Variants in KLHL8 observed in about 807,000 individuals in gnomAD.
KLHL8 encodes kelch like family member 8.
A neutral mutation model predicts 63.5 loss-of-function variants in KLHL8; 38 were observed. The observed-to-expected ratio is 0.60, with a 90% CI of 0.46 to 0.78. The LOEUF (loss-of-function observed/expected upper bound fraction) is 0.78, where lower values mean the gene tolerates loss of function less well. KLHL8 is among the 30% of genes least tolerant of loss of function. The pLI is 0.00. For missense variants in KLHL8, 566 were observed against 752.4 expected (o/e 0.75, Z 2.90); for synonymous variants, 224 against 254.3 (o/e 0.88, Z 1.13).
At position 87,160,805 on chromosome 4, in the gene KLHL8, G is replaced by A. The variant is rs1472344104; in HGVS notation, c.*2714C>T. ...TTTATTTTGTCCATTTGCAATTTCA[G>A]TATTTTAGCTCTATCTCATATCATT... is the stretch of plus-strand genomic sequence containing the variant. On this transcript the variant is annotated 3_prime_UTR_variant, in exon 10 of 10. Coordinates refer to ENST00000273963, the MANE Select transcript of KLHL8 (RefSeq NM_020803.5). 6.6e-6 allele frequency: 1 copy of A among 152,134 alleles called. No homozygotes were observed. The highest frequency in any genetic ancestry group is 1.5e-5 in the Non-Finnish European group (1 of 68,030). The allele number at this position is 152,134 out of a possible 1,614,324, so 9.4% of individuals were successfully genotyped here.
At chr4:87,204,819 G>C (rs576933074) in intron 1 of KLHL8, among the ~76,000 whole-genome samples, 2 of 152,316 alleles carry the variant, frequency 1.3e-5, no homozygotes, top group East Asian at 3.9e-4. Context: ...CAGGGAAAGA[G>C]TATGACTAAA....
intron 1 of KLHL8, among the ~76,000 whole-genome samples, chr4:87,237,839 T>C (rs1733258624): frequency 6.6e-6 from 1 of 152,106 alleles, no homozygotes; most frequent in Admixed American, 6.6e-5. Flanking sequence ...ATAATAATAA[T>C]ACAGATTTGA....
chr4:87,170,595 G>T lies in KLHL8; in HGVS notation c.1229C>A (p.Ser410Tyr). Residue 410 changes from serine (S) to tyrosine (Y), a missense_variant, in exon 7 of 10, where the codon TCC (serine) becomes TAC (tyrosine). Transcript: ENST00000273963. ...AATTGCATAAATTGGGCCTCCTAAG[G>T]AAGCCAAGGCAATTCCTCGCCTGCA... is the stretch of plus-strand genomic sequence containing the variant. Reference protein sequence around the residue: ...NTKRRGIALASLGGPIYAIGG... With the variant: ...NTKRRGIALAYLGGPIYAIGG... 1 of 1,611,668 alleles carries T rather than the reference G, an allele frequency of 6.2e-7. No individual in the cohort carries two copies. The highest frequency in any genetic ancestry group is 8.5e-7 in the Non-Finnish European group (1 of 1,179,362).
rs1730922467 is a variant in KLHL8 at position 87,178,554 on chromosome 4, G to C, written c.1019C>G (p.Ser340Cys). The change falls in exon 5 of 10, where the codon TCT (serine) becomes TGT (cysteine). Residue 340 changes from serine (S) to cysteine (C), a missense_variant. Coordinates refer to ENST00000273963, the MANE Select transcript of KLHL8 (RefSeq NM_020803.5). ...GDPFRSIECY[S>C]INKNSWFFGP... Reference sequence around the variant, plus strand: ...AAAGAACCAACTGTTTTTGTTGATAGAATAGCATTCAATACTGCGAAAGGG... The same window carrying C: ...AAAGAACCAACTGTTTTTGTTGATACAATAGCATTCAATACTGCGAAAGGG... 3 of 1,611,846 alleles carry C rather than the reference G, an allele frequency of 1.9e-6. No individual in the cohort carries two copies. Among genetic ancestry groups the C allele is most frequent in the Non-Finnish European group, 2.5e-6 (3 of 1,179,542 alleles).
Position 87,207,944 on chromosome 4 carries a change from A to G in KLHL8, c.-151-12254T>C, listed in dbSNP as rs575798462. On this transcript the variant is annotated intron_variant, in intron 1 of 9. Coordinates refer to ENST00000273963, the MANE Select transcript of KLHL8 (RefSeq NM_020803.5). ...CACCAGGCTGTCTCCTCCAACTTCA[A>G]CAGCAACACGCACTCTTCCACCTTC... The G allele has an allele frequency of 2.9e-3, 2,668 of 917,438 alleles. 10 individuals carry two copies. Among genetic ancestry groups the G allele is most frequent in the Non-Finnish European group, 4.2e-3 (2,365 of 561,334 alleles). The allele number at this position is 917,438 out of a possible 1,614,324, so 56.8% of individuals were successfully genotyped here.
intron 4 of KLHL8, among the ~76,000 whole-genome samples, chr4:87,181,989 G>A (rs113551402): frequency 1.3e-5 from 2 of 151,898 alleles, no homozygotes; most frequent in Non-Finnish European, 2.9e-5. Flanking sequence ...AGCACTTCGG[G>A]AGGCCAAGGC....
chr4:87,202,171 G>A (rs1178916684), intron 1 of KLHL8, among the ~76,000 whole-genome samples: 1 of 150,148 alleles, frequency 6.7e-6, no homozygotes, highest in Non-Finnish European at 1.5e-5. Context: ...CCAGAAACTA[G>A]AAAAAGAACA....
Position 87,163,650 on chromosome 4 carries a change from G to A in KLHL8, c.1740-8C>T. 1 of 1,610,220 alleles carries A rather than the reference G, an allele frequency of 6.2e-7. No homozygotes were observed. The highest frequency in any genetic ancestry group is 8.5e-7 in the Non-Finnish European group (1 of 1,179,080). On this transcript the variant is annotated splice_polypyrimidine_tract_variant and splice_region_variant and intron_variant, in intron 9 of 9. Transcript: ENST00000273963. ...GATCCAACAAGCTCCCACCTGAAAA[G>A]ACGGAGAAGAAAAAATGTTACAAAG...
intron 1 of KLHL8, among the ~76,000 whole-genome samples, chr4:87,233,171 G>T (rs1158113298): frequency 6.6e-6 from 1 of 152,026 alleles, no homozygotes; most frequent in African/African-American, 2.4e-5. Flanking sequence ...CTCCCGAGTA[G>T]CTGGGATTAC....
chr4:87,168,492 G>A (rs943416616), intron 8 of KLHL8, among the ~76,000 whole-genome samples: 3 of 152,042 alleles, frequency 2.0e-5, no homozygotes, highest in African/African-American at 7.2e-5. Flanking sequence ...GAATAGAAAA[G>A]AGAATTCTTC....
intron 2 of KLHL8, among the ~76,000 whole-genome samples, chr4:87,190,406 A>T (rs1375619934): frequency 6.6e-6 from 1 of 152,182 alleles, no homozygotes; most frequent in African/African-American, 2.4e-5. Context: ...GCACTTTGGG[A>T]GGCCAAGGTA....
At chr4:87,177,408 G>A (rs533473579) in intron 5 of KLHL8, among the ~76,000 whole-genome samples, 8 of 152,102 alleles carry the variant, frequency 5.3e-5, no homozygotes, top group East Asian at 3.9e-4. Context: ...TTGGGAGGCC[G>A]AGGCAGAATT....
chr4:87,239,945 T>C (rs1484558930), intron 1 of KLHL8, among the ~76,000 whole-genome samples: 1 of 152,172 alleles, frequency 6.6e-6, no homozygotes, highest in Non-Finnish European at 1.5e-5. Flanking sequence ...ACCTTTGAGT[T>C]TCTATGATCT....
At chr4:87,191,534 C>A (rs1731488435) in intron 2 of KLHL8, among the ~76,000 whole-genome samples, 1 of 151,934 alleles carries the variant, frequency 6.6e-6, no homozygotes, top group Admixed American at 6.6e-5. Flanking sequence ...TTCATTCTTA[C>A]AGTTTTATTT....
chr4:87,181,519 T>A lies in KLHL8; in HGVS notation c.952+1684A>T, dbSNP rs1183726841. ...TTATAATCCCAGAATGCAATGTTAA[T>A]CTTTGATTAGATTTTCTTTAAGTAG... On this transcript the variant is annotated intron_variant, in intron 4 of 9. Coordinates refer to ENST00000273963, the MANE Select transcript of KLHL8 (RefSeq NM_020803.5). 5.9e-5 allele frequency among the ~76,000 whole-genome samples: 9 copies of A among 152,186 alleles called. No homozygotes were observed. In the East Asian group the frequency reaches 1.7e-3, roughly 29 times the overall value.
At chr4:87,234,710 AAGTT>A (rs1353107250) in intron 1 of KLHL8, among the ~76,000 whole-genome samples, 2 of 152,210 alleles carry the variant, frequency 1.3e-5, no homozygotes, top group East Asian at 3.8e-4. Flanking sequence ...ATTTCAAAAA[AAGTT>A]AACCATAAAA....
intron 5 of KLHL8, 90 bp downstream of exon 5, chr4:87,178,387 A>G: frequency 7.6e-7 from 1 of 1,316,270 alleles, no homozygotes; most frequent in Non-Finnish European, 1.0e-6. Flanking sequence ...CAATTTAGTC[A>G]TTTTCTTATA....
chr4:87,219,037 CCT>C (rs1440596783), intron 1 of KLHL8, among the ~76,000 whole-genome samples: 1 of 152,160 alleles, frequency 6.6e-6, no homozygotes, highest in Non-Finnish European at 1.5e-5. Context: ...GCACCCGGCC[CCT>C]GAGACACCTC....
chr4:87,198,741 T>C lies in KLHL8; in HGVS notation c.-151-3051A>G, dbSNP rs537998848. Among the ~76,000 whole-genome samples the C allele has an allele frequency of 5.3e-5, 8 of 152,322 alleles. No individual in the cohort carries two copies. The South Asian group carries it at 1.7e-3, about 32-fold the overall frequency. On this transcript the variant is annotated intron_variant, in intron 1 of 9. Coordinates refer to ENST00000273963, the MANE Select transcript of KLHL8 (RefSeq NM_020803.5). ...GAACTGTACTGTATCTTGTCTGCAG[T>C]AGTGATCATATGAATCTCTATGTGA...
Sources: gnomAD v4.1 joint callset for allele counts (sites outside exome capture counted in the v4.1 genomes callset) on GRCh38, gnomAD v4.1.1 for gene constraint, MANE v1.5 for transcripts, NCBI Gene and HGNC (gene_info 2026-07-23, HGNC 2026-07-21) for gene names.